NFYC: variants seen among roughly 807,000 people sequenced by gnomAD.
NFYC encodes the protein CAAT box DNA-binding protein subunit C.
In NFYC, 25 loss-of-function variants were observed where a neutral mutation model predicts 53.1. The ratio of observed to expected loss-of-function variants is 0.47; its 90% CI spans 0.34 to 0.66. The LOEUF (loss-of-function observed/expected upper bound fraction) is 0.66, where lower values mean the gene tolerates loss of function less well. NFYC is among the 30% of genes least tolerant of loss of function. NFYC has a pLI of 0.01. For synonymous variants in NFYC, 145 were observed against 152.6 expected, an observed-to-expected ratio of 0.95 and a Z score of 0.37; for missense variants, 260 against 422.7, an observed-to-expected ratio of 0.62 and a Z score of 3.38.
Position 40,702,488 on chromosome 1 carries a change from G to GT in NFYC, c.-9+10622dup, listed in dbSNP as rs201028624. On this transcript the variant is annotated intron_variant, in intron 1 of 9. Coordinates refer to ENST00000447388, the MANE Select transcript of NFYC (RefSeq NM_014223.5). The stretch of plus-strand genomic sequence containing the variant: ...CTCCCGAGTAGCTGGGACTACAGGT[G>GT]TGTGCCACCAAATCTAGCTAATTTT... Among the ~76,000 whole-genome samples, 301 of 150,506 alleles carry GT rather than the reference G, an allele frequency of 2.0e-3. 9 individuals carry two copies. The East Asian group carries it at 0.053, about 27-fold the overall frequency.
Position 40,747,555 on chromosome 1 carries a change from C to T in NFYC, c.127C>T (p.Leu43Phe). The T allele has an allele frequency of 6.2e-7, 1 of 1,613,308 alleles. No homozygotes were observed. The highest frequency in any genetic ancestry group is 8.5e-7 in the Non-Finnish European group (1 of 1,179,320). Residue 43 changes from leucine to phenylalanine, a missense_variant, in exon 3 of 10, where the codon CTC (leucine) becomes TTC (phenylalanine). By Grantham distance (22) the Leu-to-Phe change is conservative (BLOSUM62 0). Coordinates refer to ENST00000447388, the MANE Select transcript of NFYC (RefSeq NM_014223.5). ...TCAGAAAGACTTCCGAGTGCAGGAA[C>T]TCCCACTGGCTCGTATTAAGAAGAT... ...LTVKDFRVQE[L>F]PLARIKKIMK...
intron 1 of NFYC, chr1:40,735,726 T>G (rs909642169): frequency 1.0e-6 from 1 of 985,322 alleles, no homozygotes; most frequent in Non-Finnish European, 1.2e-6. Context: ...AGATGAGGCC[T>G]GTCCAGGGAC....
Position 40,732,201 on chromosome 1 carries a change from CTA to C in NFYC, c.-8-6632_-8-6631del, listed in dbSNP as rs1557809986. 1.3e-5 allele frequency among the ~76,000 whole-genome samples: 2 copies of C among 152,138 alleles called. 1 individual carries two copies. The highest frequency in any genetic ancestry group is 1.3e-4 in the Admixed American group (2 of 15,254). On this transcript the variant is annotated intron_variant, in intron 1 of 9. Coordinates refer to ENST00000447388, the MANE Select transcript of NFYC (RefSeq NM_014223.5). ...AGAGCTGTATTGTGGGTTTAGGCTA[CTA>C]TAAAAGAGTTTGGTATAGAGAATGA...
intron 1 of NFYC, among the ~76,000 whole-genome samples, chr1:40,709,050 T>G (rs1219963143): frequency 6.6e-6 from 1 of 152,190 alleles, no homozygotes; most frequent in Non-Finnish European, 1.5e-5. Flanking sequence ...AATTCTAAAT[T>G]TTCAATATTC....
rs1644131598 is a variant in NFYC at position 40,716,242 on chromosome 1, C to A, written c.-8-22594C>A. 1.3e-5 allele frequency among the ~76,000 whole-genome samples: 2 copies of A among 152,092 alleles called. 1 individual carries two copies. Among genetic ancestry groups the A allele is most frequent in the Admixed American group, 1.3e-4 (2 of 15,272 alleles). ...TAGAAACTGATATGGAAAGAACAAG[C>A]AAAATACACAGAATTCAGAGGAGGG... On this transcript the variant is annotated intron_variant, in intron 1 of 9. Transcript: ENST00000447388.
At chr1:40,765,753 G>A (rs1370982808) in intron 7 of NFYC, among the ~76,000 whole-genome samples, 6 of 152,184 alleles carry the variant, frequency 3.9e-5, no homozygotes, top group African/African-American at 1.4e-4. Context: ...GTTCTCTGAT[G>A]TGGTAACCGC....
intron 4 of NFYC, among the ~76,000 whole-genome samples, chr1:40,750,966 C>G (rs770287764): frequency 1.3e-4 from 20 of 152,186 alleles, no homozygotes; most frequent in Admixed American, 3.3e-4. Context: ...AGTGGTCAGT[C>G]AGTTTGAAAA....
chr1:40,759,546 CAA>C (rs947535061), intron 6 of NFYC, among the ~76,000 whole-genome samples: 49 of 126,426 alleles, frequency 3.9e-4, no homozygotes, highest in African/African-American at 1.4e-3. Context: ...AAAAAAAAAA[CAA>C]AAAAAAGTAT....
intron 1 of NFYC, 120 bp downstream of exon 1, chr1:40,691,987 C>T (rs1213325178): frequency 6.7e-6 from 2 of 296,804 alleles, no homozygotes; most frequent in South Asian, 2.4e-5. Flanking sequence ...TGCTGTAGCT[C>T]GGTCCGTCCT....
chr1:40,708,278 G>A (rs1486841571), intron 1 of NFYC, among the ~76,000 whole-genome samples: 1 of 152,166 alleles, frequency 6.6e-6, no homozygotes, highest in Non-Finnish European at 1.5e-5. Context: ...TGCCTGCATA[G>A]CTACTGCATT....
chr1:40,755,226 C>T (rs909113043), intron 5 of NFYC, among the ~76,000 whole-genome samples: 9 of 152,198 alleles, frequency 5.9e-5, no homozygotes, highest in Admixed American at 1.3e-4. Flanking sequence ...GGATGTGATG[C>T]TGCTCTTCTC....
chr1:40,716,111 C>T (rs1290648680), intron 1 of NFYC, among the ~76,000 whole-genome samples: 1 of 152,220 alleles, frequency 6.6e-6, no homozygotes, highest in Non-Finnish European at 1.5e-5. Flanking sequence ...ATGCTTTTTA[C>T]ACTTCCTTTC....
chr1:40,706,529 A>G (rs1488009358), intron 1 of NFYC, among the ~76,000 whole-genome samples: 3 of 152,150 alleles, frequency 2.0e-5, no homozygotes, highest in African/African-American at 7.2e-5. Context: ...GAGCTCGTCT[A>G]CCTAGCAAAA....
chr1:40,692,683 G>A (rs1199415474), intron 1 of NFYC, among the ~76,000 whole-genome samples: 2 of 152,242 alleles, frequency 1.3e-5, no homozygotes, highest in East Asian at 1.9e-4. Flanking sequence ...GTGGAGCCCT[G>A]GAGTCCAGAG....
At chr1:40,754,733 C>T (rs528762167) in intron 5 of NFYC, among the ~76,000 whole-genome samples, 9 of 152,272 alleles carry the variant, frequency 5.9e-5, no homozygotes, top group Non-Finnish European at 1.0e-4. Context: ...TGTGGGCTGC[C>T]TGCTGAATAC....
rs969628908 is a variant in NFYC, at chr1:40,771,030, AT to A, written c.*209del. 1.7e-6 allele frequency: 1 copy of A among 595,800 alleles called. No homozygotes were observed. The highest frequency in any genetic ancestry group is 2.9e-6 in the Non-Finnish European group (1 of 339,130). 36.9% of individuals were successfully genotyped at this position (595,800 alleles called of 1,614,324 possible). ...AATATTTTTTGTTTCCTTTTTTTCCATTTTTTTCTCTAAGGAATCAATATTT... is the reference window on the plus strand; with the variant it reads ...AATATTTTTTGTTTCCTTTTTTTCCATTTTTTCTCTAAGGAATCAATATTT... On this transcript the variant is annotated 3_prime_UTR_variant, in exon 10 of 10. Coordinates refer to ENST00000447388, the MANE Select transcript of NFYC (RefSeq NM_014223.5).
chr1:40,712,380 T>C (rs776131140), intron 1 of NFYC: 2 of 152,178 alleles, frequency 1.3e-5, no homozygotes, highest in African/African-American at 2.4e-5. Flanking sequence ...ATGCTGATTT[T>C]TAAAAAACTC....
chr1:40,735,825 A>G (rs1314345411), intron 1 of NFYC: 8 of 876,448 alleles, frequency 9.1e-6, no homozygotes, highest in Non-Finnish European at 1.1e-5. Flanking sequence ...CATTTAAAAA[A>G]GGTTAAATTG....
chr1:40,721,119 A>G (rs1431454193), intron 1 of NFYC, among the ~76,000 whole-genome samples: 3 of 152,234 alleles, frequency 2.0e-5, no homozygotes, highest in African/African-American at 7.2e-5. Context: ...AATTAGAGAA[A>G]TAGATTTGAT....
Sources: allele counts gnomAD v4.1 joint callset (sites outside exome capture counted in the v4.1 genomes callset), GRCh38; gene constraint gnomAD v4.1.1; transcripts MANE v1.5; gene names NCBI Gene and HGNC (gene_info 2026-07-23, HGNC 2026-07-21).